Variants in GCA observed in about 807,000 individuals in gnomAD.
GCA encodes the protein grancalcin, EF-hand calcium-binding protein.
GCA carries 30 observed loss-of-function variants against 32.6 expected under a neutral mutation model. The observed-to-expected ratio is 0.92, with a 90% CI of 0.69 to 1.25. GCA has a LOEUF of 1.25. GCA is among the 50% of genes most tolerant of loss of function. The pLI is 0.00. For synonymous variants in GCA, 102 were observed against 84.6 expected, an observed-to-expected ratio of 1.21 and a Z score of -1.13; for missense variants, 291 against 266.8, an observed-to-expected ratio of 1.09 and a Z score of -0.63.
intron 1 of GCA, among the ~76,000 whole-genome samples, chr2:162,344,892 A>G (rs1326318969): frequency 7.1e-6 from 1 of 140,370 alleles, no homozygotes; most frequent in Non-Finnish European, 1.6e-5. Flanking sequence ...CCAAACCTTT[A>G]GTATCGATGT....
downstream of GCA, among the ~76,000 whole-genome samples, chr2:162,366,932 A>G (rs1284997994): frequency 6.8e-6 from 1 of 146,382 alleles, no homozygotes; most frequent in African/African-American, 2.7e-5. Context: ...AAAGAGCAAC[A>G]GAAAGTGTTT....
Position 162,360,423 on chromosome 2 carries a change from T to G in GCA, c.*180T>G, listed in dbSNP as rs1685518930. The G allele has an allele frequency of 2.5e-6, 3 of 1,221,234 alleles. No homozygotes were observed. In the Admixed American group the frequency reaches 1.2e-4, roughly 47 times the overall value. 75.6% of individuals were successfully genotyped at this position (1,221,234 alleles called of 1,614,324 possible). A position where few individuals can be genotyped will look rare whatever the true frequency, so the allele number is the denominator to read the frequency against. On this transcript the variant is annotated 3_prime_UTR_variant, in exon 8 of 8. Transcript: ENST00000437150. ...AAGCAATAAAAGATTTCTTTTTTAATTTGAGGTATTACTGCTTTTGGAAAA... is the reference window on the plus strand; with the variant it reads ...AAGCAATAAAAGATTTCTTTTTTAAGTTGAGGTATTACTGCTTTTGGAAAA...
intron 1 of GCA, among the ~76,000 whole-genome samples, chr2:162,330,937 T>C (rs1478656659): frequency 1.3e-5 from 2 of 152,238 alleles, no homozygotes; most frequent in Non-Finnish European, 1.5e-5. Flanking sequence ...TTGTTTTGAA[T>C]GTATTTCTGT....
chr2:162,329,029 C>T (rs944099481), intron 1 of GCA, among the ~76,000 whole-genome samples: 5 of 152,036 alleles, frequency 3.3e-5, no homozygotes, highest in Admixed American at 6.5e-5. Flanking sequence ...CACATCCAGC[C>T]GCCTGTGTAT....
chr2:162,345,131 G>GGTGGTGGTGGTGGTA (rs146219747), intron 1 of GCA, among the ~76,000 whole-genome samples: 1 of 144,140 alleles, frequency 6.9e-6, no homozygotes, highest in Non-Finnish European at 1.5e-5. Context: ...TGGTGGTGGT[G>GGTGGTGGTGGTGGTA]GTGGTTGTGG....
chr2:162,347,710 G>A lies in GCA; in HGVS notation c.160G>A (p.Val54Met), dbSNP rs766560685. 1.2e-5 allele frequency: 19 copies of A among 1,589,158 alleles called. No homozygotes were observed. Among genetic ancestry groups the A allele is most frequent in the Admixed American group, 6.9e-5 (4 of 58,230 alleles). The change falls in exon 2 of 8, where the codon GTG becomes ATG. Residue 54 changes from valine (V) to methionine (M), a missense_variant. Coordinates refer to ENST00000437150, the MANE Select transcript of GCA (RefSeq NM_012198.5). ...CACTTATTCCTCAGCTGGTGACTCC[G>A]TGTATACTTACTTCAGTGCTGTTGC... is the stretch of plus-strand genomic sequence containing the variant. ...SDTYSSAGDS[V>M]YTYFSAVAGQ...
chr2:162,322,878 G>A (rs1683734642), intron 1 of GCA, among the ~76,000 whole-genome samples: 1 of 151,790 alleles, frequency 6.6e-6, no homozygotes, highest in Non-Finnish European at 1.5e-5. Flanking sequence ...ACATGTGCAT[G>A]TGTCTTTATA....
At position 162,352,382 on chromosome 2, in the gene GCA, G is replaced by A. The variant is rs1177851026; in HGVS notation, c.237G>A (p.Gln79=). 1 of 1,591,768 alleles carries A rather than the reference G, an allele frequency of 6.3e-7. No homozygotes were observed. ...DAEELQRCLT[Q]SGINGTYSPF... ...AAGAACTTCAGAGATGTTTGACACA[G>A]TCTGGAATTAATGGAACTTACTCTC... Residue 79 remains glutamine (Q), a synonymous_variant, in exon 3 of 8, where the codon CAG becomes CAA. Transcript: ENST00000437150.
chr2:162,352,675 TA>T (rs1333758003), intron 3 of GCA, among the ~76,000 whole-genome samples: 1 of 152,166 alleles, frequency 6.6e-6, no homozygotes, highest in East Asian at 1.9e-4. Context: ...CAAGATAGAA[TA>T]TTTTTTTCAC....
chr2:162,327,898 C>T (rs986401323), intron 1 of GCA, among the ~76,000 whole-genome samples: 1 of 152,224 alleles, frequency 6.6e-6, no homozygotes, highest in Admixed American at 6.5e-5. Flanking sequence ...ACAACAGAGG[C>T]TTGCTGGGCA....
At chr2:162,318,962 C>T (rs1683572666), upstream of GCA, 1 of 340,616 alleles carries the variant, frequency 2.9e-6, no homozygotes, top group South Asian at 2.2e-5. Context: ...ATGTGCAGGG[C>T]ATAAAAGCAT....
downstream of GCA, chr2:162,372,195 A>G (rs1685975297): frequency 1.0e-6 from 1 of 992,602 alleles, no homozygotes; most frequent in South Asian, 1.7e-5. Flanking sequence ...TTCCTCATTA[A>G]TCTATATTTG....
At position 162,361,907 on chromosome 2, in the gene GCA, A is replaced by G; in HGVS notation, c.*1664A>G. The G allele has an allele frequency of 2.0e-6, 2 of 984,702 alleles. No homozygotes were observed. The highest frequency in any genetic ancestry group is 2.4e-6 in the Non-Finnish European group (2 of 829,458). The allele number at this position is 984,702 out of a possible 1,614,324, so 61.0% of individuals were successfully genotyped here. A position where few individuals can be genotyped will look rare whatever the true frequency, so the allele number is the denominator to read the frequency against. ...TGTAATCTTAACATCCAGGTTATAC[A>G]GATGGTCGTTACTGAACTATTCTGC... is the stretch of plus-strand genomic sequence containing the variant. On this transcript the variant is annotated 3_prime_UTR_variant, in exon 8 of 8. Coordinates refer to ENST00000437150, the MANE Select transcript of GCA (RefSeq NM_012198.5).
rs780093180 is a variant in GCA at position 162,360,271 on chromosome 2, C to G, written c.*28C>G. The G allele has an allele frequency of 6.3e-7, 1 of 1,578,930 alleles. No individual in the cohort carries two copies. The highest frequency in any genetic ancestry group is 1.4e-5 in the African/African-American group (1 of 73,118). ...GCTTAGAATTTTAAACCTGAAGAGA[C>G]ACTGTGAATTCTTTTGTTTGGAAGA... On this transcript the variant is annotated 3_prime_UTR_variant, in exon 8 of 8. Coordinates refer to ENST00000437150, the MANE Select transcript of GCA (RefSeq NM_012198.5).
intron 1 of GCA, among the ~76,000 whole-genome samples, chr2:162,332,999 G>A (rs898837948): frequency 6.6e-6 from 1 of 151,984 alleles, no homozygotes; most frequent in Non-Finnish European, 1.5e-5. Context: ...TCTGCTGGGG[G>A]ATCAAAACAT....
chr2:162,373,222 A>G (rs967916134), downstream of GCA, among the ~76,000 whole-genome samples: 1 of 152,172 alleles, frequency 6.6e-6, no homozygotes, highest in African/African-American at 2.4e-5. Context: ...TTCCTTTTAA[A>G]AAAAATGCTA....
chr2:162,352,692 A>G (rs1685064083), intron 3 of GCA, among the ~76,000 whole-genome samples: 1 of 152,018 alleles, frequency 6.6e-6, no homozygotes, highest in African/African-American at 2.4e-5. Context: ...TTCACGATTG[A>G]TTTTTGGATT....
chr2:162,359,076 A>G lies in GCA; in HGVS notation c.487A>G (p.Ile163Val), dbSNP rs1558903683. Reference sequence around the variant, plus strand: ...GTTGAGTCCTCAAACATTAACTACTATTGTTAAACGTTATAGCAAGAATGG... The same window carrying G: ...GTTGAGTCCTCAAACATTAACTACTGTTGTTAAACGTTATAGCAAGAATGG... ...YRLSPQTLTT[I>V]VKRYSKNGRI... is the part of the protein sequence containing the mutation. The change falls in exon 6 of 8, where the codon ATT becomes GTT. Residue 163 changes from isoleucine (I) to valine (V), a missense_variant. Transcript: ENST00000437150. 11 of 1,597,248 alleles carry G rather than the reference A, an allele frequency of 6.9e-6. No individual in the cohort carries two copies. The highest frequency in any genetic ancestry group is 7.7e-6 in the Non-Finnish European group (9 of 1,166,470).
intron 1 of GCA, among the ~76,000 whole-genome samples, chr2:162,345,346 T>G (rs926841399): frequency 6.6e-6 from 1 of 152,194 alleles, no homozygotes; most frequent in Non-Finnish European, 1.5e-5. Flanking sequence ...CCTTCGAAGA[T>G]TAATCAAGAT....
Sources: gnomAD v4.1 joint callset for allele counts (sites outside exome capture counted in the v4.1 genomes callset) on GRCh38, gnomAD v4.1.1 for gene constraint, MANE v1.5 for transcripts, NCBI Gene and HGNC (gene_info 2026-07-23, HGNC 2026-07-21) for gene names.